CAPN12: variants seen among roughly 807,000 people sequenced by gnomAD.
CAPN12 encodes the protein calpain-12.
CAPN12 carries 107 observed loss-of-function variants against 95.0 expected under a neutral mutation model. The observed-to-expected ratio is 1.13, with a 90% CI of 0.96 to 1.32. The LOEUF is 1.32. CAPN12 is among the 40% of genes most tolerant of loss of function. CAPN12 has a pLI of 0.00. For synonymous variants in CAPN12, 505 were observed against 415.5 expected (o/e 1.22, Z -2.62); for missense variants, 1,136 against 997.8 (o/e 1.14, Z -1.87).
chr19:38,731,773 C>G (rs557892263), intron 18 of CAPN12, among the ~76,000 whole-genome samples: 5 of 152,220 alleles, frequency 3.3e-5, no homozygotes, highest in Non-Finnish European at 5.9e-5. Flanking sequence ...TTCCAAGTAC[C>G]GTTTCATGGG....
At chr19:38,740,924 G>C (rs1187228260) in intron 4 of CAPN12, among the ~76,000 whole-genome samples, 1 of 152,108 alleles carries the variant, frequency 6.6e-6, no homozygotes, top group Non-Finnish European at 1.5e-5. Flanking sequence ...GCATGGGAGA[G>C]CTGTGTTAGA....
chr19:38,732,595 C>G (rs1246154764), intron 18 of CAPN12, among the ~76,000 whole-genome samples: 3 of 152,230 alleles, frequency 2.0e-5, no homozygotes, highest in Non-Finnish European at 4.4e-5. Context: ...CCTGCCTTAG[C>G]CTCCCAAAGT....
At chr19:38,742,249 T>TG in intron 3 of CAPN12, 161 bp downstream of exon 3, 1 of 650,616 alleles carries the variant, frequency 1.5e-6, no homozygotes, top group South Asian at 1.9e-5. Flanking sequence ...TGCTTGAACC[T>TG]GGGGGCGGGG....
chr19:38,731,299 CAGGG>C, intron 18 of CAPN12, 76 bp from the exon 19 acceptor site: 3 of 1,136,506 alleles, frequency 2.6e-6, no homozygotes, highest in Non-Finnish European at 4.0e-6. Context: ...CCCACCTCCT[CAGGG>C]AGGACATGAA....
At chr19:38,744,679 G>C (rs1970782120), upstream of CAPN12, among the ~76,000 whole-genome samples, 1 of 152,124 alleles carries the variant, frequency 6.6e-6, no homozygotes, top group South Asian at 2.1e-4. Context: ...AGGTTCAAGT[G>C]ATTCTCCTGC....
rs1489335469 is a variant in CAPN12, at chr19:38,733,483, C to T, written c.1957+220G>A. ...ACCCCTACCAGGCACATCCCCCTTTCATGTCCTCCCCACCCCACACACGCC... is the reference window on the plus strand; with the variant it reads ...ACCCCTACCAGGCACATCCCCCTTTTATGTCCTCCCCACCCCACACACGCC... On this transcript the variant is annotated intron_variant, in intron 18 of 20. Transcript: ENST00000328867. The T allele has an allele frequency of 1.5e-5, 8 of 526,750 alleles. No individual in the cohort carries two copies. In the East Asian group the frequency reaches 1.8e-4, roughly 12 times the overall value. 32.6% of individuals were successfully genotyped at this position (526,750 alleles called of 1,614,324 possible). A position where few individuals can be genotyped will look rare whatever the true frequency, so the allele number is the denominator to read the frequency against.
intron 7 of CAPN12, 28 bp from the exon 8 acceptor site, chr19:38,738,375 G>T (rs892708016): frequency 6.2e-7 from 1 of 1,611,454 alleles, no homozygotes. Flanking sequence ...TGAGGGGCGG[G>T]CAGGTGGGGT....
At chr19:38,735,324 G>A (rs770259314) in intron 14 of CAPN12, 46 bp downstream of exon 14, 1 of 1,513,196 alleles carries the variant, frequency 6.6e-7, no homozygotes, top group East Asian at 2.3e-5. Context: ...GGTCCCCAAG[G>A]GGAGGCCGCA....
At chr19:38,733,563 A>G in intron 18 of CAPN12, 140 bp downstream of exon 18, 1 of 717,898 alleles carries the variant, frequency 1.4e-6, no homozygotes, top group Non-Finnish European at 2.3e-6. Context: ...AACCCCTGCC[A>G]GGGACTGGCA....
rs1472367674 is a variant in CAPN12, at chr19:38,733,744, G to A, written c.1916C>T (p.Thr639Ile). 1.2e-6 allele frequency: 2 copies of A among 1,613,528 alleles called. No individual in the cohort carries two copies. Among genetic ancestry groups the A allele is most frequent in the Non-Finnish European group, 1.7e-6 (2 of 1,179,958 alleles). The change falls in exon 18 of 21, where the codon ACC becomes ATC. Residue 639 changes from threonine to isoleucine, a missense_variant. Thr to Ile is a moderately conservative substitution (Grantham distance 89, BLOSUM62 -1). Transcript: ENST00000328867. ...CAGCCTCAGCTCGTAGGAGTTCATGGTTCCAGAGGTGTCCTCATCGAACTT... is the reference window on the plus strand; with the variant it reads ...CAGCCTCAGCTCGTAGGAGTTCATGATTCCAGAGGTGTCCTCATCGAACTT... ...FNKFDEDTSG[T>I]MNSYELRLAL...
intron 16 of CAPN12, 52 bp downstream of exon 16, chr19:38,734,267 C>A (rs1178946972): frequency 3.1e-6 from 5 of 1,604,112 alleles, no homozygotes; most frequent in Non-Finnish European, 4.3e-6. Flanking sequence ...GGAGAGACCC[C>A]AACGTCCCCT....
intron 5 of CAPN12, 130 bp from the exon 6 acceptor site, chr19:38,738,778 G>A: frequency 2.7e-6 from 2 of 743,946 alleles, no homozygotes; most frequent in East Asian, 5.3e-5. Context: ...GCAGCTCAGA[G>A]ACCATGTCAG....
In CAPN12 at chr19:38,737,440, C is replaced by A. The variant is rs745761120; in HGVS notation, c.1129+35G>T. On this transcript the variant is annotated intron_variant, in intron 9 of 20. Coordinates refer to ENST00000328867, the MANE Select transcript of CAPN12 (RefSeq NM_144691.4). ...TCCTAGCCGGCCACAGCGCCCCCCACCCCAGGAAGCCTCTCAGGGCCCCTC... is the reference window on the plus strand; with the variant it reads ...TCCTAGCCGGCCACAGCGCCCCCCAACCCAGGAAGCCTCTCAGGGCCCCTC... The A allele has an allele frequency of 5.0e-6, 8 of 1,611,734 alleles. No homozygotes were observed. In the South Asian group the frequency reaches 8.8e-5, roughly 18 times the overall value.
In CAPN12 at chr19:38,740,063, G is replaced by C; in HGVS notation, c.717C>G (p.Gly239=). The C allele has an allele frequency of 6.3e-7, 1 of 1,591,398 alleles. No individual in the cohort carries two copies. Among genetic ancestry groups the C allele is most frequent in the South Asian group, 1.1e-5 (1 of 88,768 alleles). ...RHALAKESLV[G]ATALSDRGEY... ...CCAGGTCTCTTACCAGGGCAGTGGCGCCCACGAGGGACTCCTTGGCCAGGG... is the reference window on the plus strand; with the variant it reads ...CCAGGTCTCTTACCAGGGCAGTGGCCCCCACGAGGGACTCCTTGGCCAGGG... The change falls in exon 5 of 21, where the codon GGC becomes GGG. Residue 239 remains glycine, a synonymous_variant. Coordinates refer to ENST00000328867, the MANE Select transcript of CAPN12 (RefSeq NM_144691.4).
chr19:38,738,512 GCAT>G lies in CAPN12; in HGVS notation c.805-12_805-10del. 5 of 1,613,244 alleles carry G rather than the reference GCAT, an allele frequency of 3.1e-6. No individual in the cohort carries two copies. In the Middle Eastern group the frequency reaches 5.0e-4, roughly 160 times the overall value. On this transcript the variant is annotated splice_polypyrimidine_tract_variant and intron_variant, in intron 6 of 20. Transcript: ENST00000328867. Reference sequence around the variant, plus strand: ...GTGAAGCCCAGGAACACCTGGGGCAGCATCGTCAGTGGGGGTGATGCCTGGACA... The same window carrying G: ...GTGAAGCCCAGGAACACCTGGGGCAGCGTCAGTGGGGGTGATGCCTGGACA...
Position 38,744,109 on chromosome 19 carries a change from G to C in CAPN12, c.57C>G (p.Val19=). The change falls in exon 1 of 21, where the codon GTC becomes GTG. Residue 19 remains valine (V), a synonymous_variant. Coordinates refer to ENST00000328867, the MANE Select transcript of CAPN12 (RefSeq NM_144691.4). ...TIQLVDEEAG[V]GAGRLQLFRG... ...GAAAAAGCTGCAGGCGCCCGGCTCC[G>C]ACCCCAGCCTCCTCATCCACGAGCT... 6.2e-7 allele frequency: 1 copy of C among 1,614,108 alleles called. No homozygotes were observed. The highest frequency in any genetic ancestry group is 8.5e-7 in the Non-Finnish European group (1 of 1,180,036).
chr19:38,733,428 C>T, intron 18 of CAPN12: 1 of 454,420 alleles, frequency 2.2e-6, no homozygotes, highest in East Asian at 3.7e-5. Context: ...TAATCTTCCC[C>T]TTCCTGGAGG....
chr19:38,737,174 A>G lies in CAPN12; in HGVS notation c.1344T>C (p.Val448=). 1 of 1,465,558 alleles carries G rather than the reference A, an allele frequency of 6.8e-7. No homozygotes were observed. Among genetic ancestry groups the G allele is most frequent in the African/African-American group, 1.5e-5 (1 of 67,546 alleles). The allele number at this position is 1,465,558 out of a possible 1,614,324, so 90.8% of individuals were successfully genotyped here. ...LRAKGLTYLT[V]GFHVFQIPEE... is the part of the protein sequence containing the mutation. Reference sequence around the variant, plus strand: ...ACCTCACCTGGAACACGTGGAAGCCAACGGTGAGGTAAGTGAGGCCCTTGG... The same window carrying G: ...ACCTCACCTGGAACACGTGGAAGCCGACGGTGAGGTAAGTGAGGCCCTTGG... The change falls in exon 10 of 21, where the codon GTT becomes GTC. Residue 448 remains valine, a synonymous_variant. Coordinates refer to ENST00000328867, the MANE Select transcript of CAPN12 (RefSeq NM_144691.4).
At position 38,743,406 on chromosome 19, in the gene CAPN12, CG is replaced by C. The variant is rs1568329166; in HGVS notation, c.238-305del. Among the ~76,000 whole-genome samples the C allele has an allele frequency of 6.0e-3, 581 of 96,710 alleles. 7 individuals are homozygous for C. Among genetic ancestry groups the C allele is most frequent in the African/African-American group, 0.01 (274 of 26,692 alleles). 63.4% of individuals were successfully genotyped at this position (96,710 alleles called of 152,430 possible). Reference sequence around the variant, plus strand: ...CCCTCAGACCCAGGAGTCCAGGTCCCGAGCCCCTCCTCCCTCAGACCCAGGA... The same window carrying C: ...CCCTCAGACCCAGGAGTCCAGGTCCCAGCCCCTCCTCCCTCAGACCCAGGA... On this transcript the variant is annotated intron_variant, in intron 1 of 20. Coordinates refer to ENST00000328867, the MANE Select transcript of CAPN12 (RefSeq NM_144691.4).
Sources: allele counts gnomAD v4.1 joint callset (sites outside exome capture counted in the v4.1 genomes callset), GRCh38; gene constraint gnomAD v4.1.1; transcripts MANE v1.5; gene names NCBI Gene and HGNC (gene_info 2026-07-23, HGNC 2026-07-21).